The following HOMER1 variants were observed in gnomAD, a reference collection of about 807,000 sequenced individuals.
HOMER1 encodes homer scaffold protein 1.
A neutral mutation model predicts 48.9 loss-of-function variants in HOMER1; 3 were observed. The observed-to-expected ratio is 0.06, with a 90% CI of 0.03 to 0.16. The LOEUF is 0.16. HOMER1 is among the 10% of genes least tolerant of loss of function. HOMER1 has a pLI of 1.00. For missense variants in HOMER1, 247 were observed against 411.4 expected (o/e 0.60, Z 3.46); for synonymous variants, 134 against 146.4 (o/e 0.92, Z 0.61).
intron 1 of HOMER1, among the ~76,000 whole-genome samples, chr5:79,472,075 C>T (rs73122390): frequency 0.037 from 5,637 of 152,198 alleles, 375 homozygotes; most frequent in African/African-American, 0.13. Context: ...TTGTCCTTTT[C>T]CCCCAAGTAA....
intron 3 of HOMER1, among the ~76,000 whole-genome samples, chr5:79,447,778 T>C (rs1327824697): frequency 6.6e-6 from 1 of 152,146 alleles, no homozygotes; most frequent in Non-Finnish European, 1.5e-5. Flanking sequence ...GAAATGCTAA[T>C]TCTTAGGAAC....
chr5:79,492,310 C>A (rs535806962), intron 1 of HOMER1, among the ~76,000 whole-genome samples: 1 of 152,204 alleles, frequency 6.6e-6, no homozygotes, highest in African/African-American at 2.4e-5. Flanking sequence ...TTGGGTGAAA[C>A]TACTTTGACT....
intron 5 of HOMER1, among the ~76,000 whole-genome samples, chr5:79,435,922 C>T (rs547780647): frequency 5.6e-5 from 8 of 142,352 alleles, no homozygotes; most frequent in African/African-American, 2.1e-4. Flanking sequence ...GTCGGGAGAT[C>T]GAGACCATCC....
At chr5:79,463,377 G>A (rs941587930) in intron 1 of HOMER1, among the ~76,000 whole-genome samples, 1 of 152,162 alleles carries the variant, frequency 6.6e-6, no homozygotes, top group Admixed American at 6.5e-5. Context: ...CGGTATGTTT[G>A]CATGTGACAT....
chr5:79,451,618 T>C (rs370824702), intron 2 of HOMER1, among the ~76,000 whole-genome samples: 2 of 132,392 alleles, frequency 1.5e-5, no homozygotes, highest in Non-Finnish European at 1.5e-5. Flanking sequence ...CAGGCTGGAG[T>C]GCAGTGGCGT....
At chr5:79,416,658 G>A (rs1265202248) in intron 5 of HOMER1, among the ~76,000 whole-genome samples, 2 of 152,206 alleles carry the variant, frequency 1.3e-5, no homozygotes, top group East Asian at 3.8e-4. Context: ...CTGGCACAGT[G>A]CCTTCTGTAG....
intron 1 of HOMER1, among the ~76,000 whole-genome samples, chr5:79,492,907 C>CTTTTTTTTT (rs558428061): frequency 7.1e-5 from 6 of 84,030 alleles, no homozygotes; most frequent in African/African-American, 2.5e-4. Context: ...AAAACTTTGT[C>CTTTTTTTTT]TTTTTTTTTT....
rs554055515 is a variant in HOMER1, at chr5:79,460,662, G to A, written c.6-3644C>T. On this transcript the variant is annotated intron_variant, in intron 1 of 8. Coordinates refer to ENST00000334082, the MANE Select transcript of HOMER1 (RefSeq NM_004272.5). Reference sequence around the variant, plus strand: ...GTGGTTCCCAAACTGGGGTGGGTTTGTTCCTCGGGACATTTCACAATGTCT... The same window carrying A: ...GTGGTTCCCAAACTGGGGTGGGTTTATTCCTCGGGACATTTCACAATGTCT... 3.9e-5 allele frequency among the ~76,000 whole-genome samples: 6 copies of A among 152,250 alleles called. No homozygotes were observed. The South Asian group carries it at 1.2e-3, about 32-fold the overall frequency.
At chr5:79,454,737 C>T (rs943057294) in intron 2 of HOMER1, among the ~76,000 whole-genome samples, 1 of 151,952 alleles carries the variant, frequency 6.6e-6, no homozygotes, top group African/African-American at 2.4e-5. Context: ...AATGAGTACA[C>T]AGAAAAAACA....
At chr5:79,496,388 T>C (rs1337386336) in intron 1 of HOMER1, among the ~76,000 whole-genome samples, 1 of 152,150 alleles carries the variant, frequency 6.6e-6, no homozygotes, top group Non-Finnish European at 1.5e-5. Flanking sequence ...ATTCCTGGCT[T>C]TCAGATTACA....
At chr5:79,407,493 A>G (rs958234327) in intron 5 of HOMER1, among the ~76,000 whole-genome samples, 3 of 152,202 alleles carry the variant, frequency 2.0e-5, no homozygotes, top group Non-Finnish European at 4.4e-5. Context: ...CAGAGCAATG[A>G]AAACTATGGG....
At chr5:79,452,869 TG>T (rs1751067236) in intron 2 of HOMER1, among the ~76,000 whole-genome samples, 1 of 152,214 alleles carries the variant, frequency 6.6e-6, no homozygotes, top group Admixed American at 6.5e-5. Flanking sequence ...GCATATCATT[TG>T]GGATGTGTAA....
intron 1 of HOMER1, among the ~76,000 whole-genome samples, chr5:79,471,402 C>T (rs1045086064): frequency 4.0e-5 from 6 of 151,694 alleles, no homozygotes; most frequent in African/African-American, 7.3e-5. Context: ...AAAAATTAGC[C>T]GGGCATGGTG....
intron 1 of HOMER1, among the ~76,000 whole-genome samples, chr5:79,497,421 G>A (rs981504857): frequency 5.9e-5 from 9 of 151,932 alleles, no homozygotes; most frequent in East Asian, 5.8e-4. Flanking sequence ...AGGCTGAGGC[G>A]GGTGGATCAC....
chr5:79,429,220 G>A (rs145843408), intron 5 of HOMER1, among the ~76,000 whole-genome samples: 6 of 152,242 alleles, frequency 3.9e-5, no homozygotes, highest in Non-Finnish European at 8.8e-5. Context: ...GCTGGGGGTG[G>A]TGGCGCATGC....
intron 1 of HOMER1, among the ~76,000 whole-genome samples, chr5:79,487,131 T>C (rs1480067621): frequency 6.6e-6 from 1 of 151,962 alleles, no homozygotes; most frequent in African/African-American, 2.4e-5. Context: ...ATACAAAAAT[T>C]AGCCAAGCGT....
At chr5:79,382,274 T>C (rs1486205519) in intron 8 of HOMER1, among the ~76,000 whole-genome samples, 2 of 151,972 alleles carry the variant, frequency 1.3e-5, no homozygotes, top group Non-Finnish European at 2.9e-5. Context: ...ACACCCCAAA[T>C]CTAGCAAGAT....
chr5:79,402,593 G>A (rs965899079), intron 5 of HOMER1, among the ~76,000 whole-genome samples: 22 of 152,288 alleles, frequency 1.4e-4, no homozygotes, highest in South Asian at 1.2e-3. Context: ...CAGGCTTAAC[G>A]TGGAATGTTT....
intron 5 of HOMER1, among the ~76,000 whole-genome samples, chr5:79,411,893 TG>T (rs921303172): frequency 6.6e-6 from 1 of 151,672 alleles, no homozygotes; most frequent in African/African-American, 2.4e-5. Context: ...CCAAGGCGGG[TG>T]GATCATTTGA....
Sources: allele counts gnomAD v4.1 joint callset (sites outside exome capture counted in the v4.1 genomes callset), GRCh38; gene constraint gnomAD v4.1.1; transcripts MANE v1.5; gene names NCBI Gene and HGNC (gene_info 2026-07-23, HGNC 2026-07-21).